Variants in SPECC1L observed in about 807,000 individuals in gnomAD.
The protein encoded by SPECC1L is cytospin-A.
In SPECC1L, 40 loss-of-function variants were observed where a neutral mutation model predicts 116.8. That is an observed-to-expected ratio of 0.34 (90% CI 0.27 to 0.45). The LOEUF is 0.45. SPECC1L is among the 20% of genes least tolerant of loss of function. The pLI, the probability that SPECC1L is intolerant of heterozygous loss-of-function variation, is 1.00. For missense variants in SPECC1L, 1,110 were observed against 1,373.6 expected, an observed-to-expected ratio of 0.81 and a Z score of 3.03; for synonymous variants, 504 against 500.6, an observed-to-expected ratio of 1.01 and a Z score of -0.09.
chr22:24,403,027 C>T (rs2042510643), intron 14 of SPECC1L, among the ~76,000 whole-genome samples: 1 of 152,182 alleles, frequency 6.6e-6, no homozygotes, highest in African/African-American at 2.4e-5. Flanking sequence ...AACCACCCAG[C>T]CAGTCCCTTG....
At chr22:24,336,576 T>A (rs1477109714) in intron 9 of SPECC1L, among the ~76,000 whole-genome samples, 1 of 152,092 alleles carries the variant, frequency 6.6e-6, no homozygotes, top group Non-Finnish European at 1.5e-5. Context: ...CAAGACTCTG[T>A]CTCTAAAGAA....
At chr22:24,386,971 G>C (rs1005415423) in intron 14 of SPECC1L, among the ~76,000 whole-genome samples, 1 of 152,170 alleles carries the variant, frequency 6.6e-6, no homozygotes, top group Non-Finnish European at 1.5e-5. Flanking sequence ...GTCTGCAGCA[G>C]ATTAGACACA....
intron 8 of SPECC1L, among the ~76,000 whole-genome samples, chr22:24,332,120 T>G (rs1459037640): frequency 1.3e-5 from 2 of 152,200 alleles, no homozygotes; most frequent in East Asian, 1.9e-4. Context: ...TTGGTATTAT[T>G]TGGTGGGTAT....
chr22:24,366,872 A>C (rs1454222245), intron 13 of SPECC1L, among the ~76,000 whole-genome samples: 1 of 152,192 alleles, frequency 6.6e-6, no homozygotes, highest in African/African-American at 2.4e-5. Flanking sequence ...ATAGGGATGA[A>C]GAAAATTGTT....
intron 10 of SPECC1L, among the ~76,000 whole-genome samples, chr22:24,339,216 GA>G (rs1187072564): frequency 6.6e-6 from 1 of 152,154 alleles, no homozygotes; most frequent in Admixed American, 6.5e-5. Context: ...CCAGCTCCAA[GA>G]GACTGAAAAT....
chr22:24,396,463 A>G (rs554879507), intron 14 of SPECC1L, among the ~76,000 whole-genome samples: 2 of 151,980 alleles, frequency 1.3e-5, no homozygotes, highest in South Asian at 2.1e-4. Flanking sequence ...ACGCCCAGCT[A>G]ATTTTTGTAT....
chr22:24,318,504 G>GA (rs966916033), intron 4 of SPECC1L, among the ~76,000 whole-genome samples: 1 of 152,224 alleles, frequency 6.6e-6, no homozygotes, highest in Non-Finnish European at 1.5e-5. Context: ...ATCAGAGGGA[G>GA]ACCGTGGAAA....
intron 9 of SPECC1L, among the ~76,000 whole-genome samples, chr22:24,337,847 T>TA (rs975181410): frequency 5.9e-5 from 9 of 152,048 alleles, no homozygotes; most frequent in Non-Finnish European, 1.3e-4. Flanking sequence ...CAGTTTATTA[T>TA]AGAGAGAGAG....
At chr22:24,334,158 G>A (rs142286947) in intron 8 of SPECC1L, among the ~76,000 whole-genome samples, 180 of 151,772 alleles carry the variant, frequency 1.2e-3, no homozygotes, top group African/African-American at 4.1e-3. Context: ...GAGTACAGGC[G>A]CCCACCACCG....
At chr22:24,306,705 G>C (rs1188912531) in intron 3 of SPECC1L, among the ~76,000 whole-genome samples, 3 of 152,152 alleles carry the variant, frequency 2.0e-5, no homozygotes, top group African/African-American at 7.2e-5. Flanking sequence ...GTTCAGTTCT[G>C]TTAAATACAT....
At chr22:24,350,792 T>C (rs2041405895) in intron 11 of SPECC1L, among the ~76,000 whole-genome samples, 1 of 152,166 alleles carries the variant, frequency 6.6e-6, no homozygotes, top group Non-Finnish European at 1.5e-5. Context: ...GCGTTAAGTG[T>C]GGTCAGAGCC....
At chr22:24,319,862 A>G (rs1200559771) in intron 4 of SPECC1L, among the ~76,000 whole-genome samples, 1 of 152,368 alleles carries the variant, frequency 6.6e-6, no homozygotes, top group East Asian at 1.9e-4. Flanking sequence ...GTCTTTAAAA[A>G]TACTTATTGA....
At chr22:24,368,278 G>T (rs1256090715) in intron 13 of SPECC1L, among the ~76,000 whole-genome samples, 1 of 152,176 alleles carries the variant, frequency 6.6e-6, no homozygotes, top group Non-Finnish European at 1.5e-5. Context: ...TGGGATAGGG[G>T]CCCTGTGTTG....
At chr22:24,407,105 G>T (rs1404818247) in intron 14 of SPECC1L, among the ~76,000 whole-genome samples, 1 of 152,182 alleles carries the variant, frequency 6.6e-6, no homozygotes, top group Non-Finnish European at 1.5e-5. Context: ...GGGTGCCTTG[G>T]AGCCACGTGC....
intron 14 of SPECC1L, among the ~76,000 whole-genome samples, chr22:24,374,790 G>A (rs1044586180): frequency 6.6e-6 from 1 of 150,514 alleles, no homozygotes; most frequent in South Asian, 2.1e-4. Flanking sequence ...AAAAAAGGAA[G>A]TAGAAAAAAG....
chr22:24,366,189 A>T (rs897597949), intron 13 of SPECC1L, among the ~76,000 whole-genome samples: 3 of 105,324 alleles, frequency 2.8e-5, no homozygotes, highest in African/African-American at 4.7e-5. Flanking sequence ...TGGCAAAGTG[A>T]TGGAACTTTT....
chr22:24,329,112 A>T (rs535127824), intron 7 of SPECC1L, among the ~76,000 whole-genome samples, 193 bp downstream of exon 7: 61 of 152,314 alleles, frequency 4.0e-4, no homozygotes, highest in African/African-American at 1.4e-3. Context: ...AGAAGAATGT[A>T]CTATAGGTTG....
intron 14 of SPECC1L, among the ~76,000 whole-genome samples, chr22:24,401,053 C>T (rs1440262382): frequency 1.3e-5 from 2 of 152,162 alleles, no homozygotes; most frequent in East Asian, 1.9e-4. Flanking sequence ...ACTGTCCCCA[C>T]GCCCACCTGG....
intron 14 of SPECC1L, among the ~76,000 whole-genome samples, chr22:24,401,996 C>T (rs1469783266): frequency 2.0e-5 from 3 of 152,246 alleles, no homozygotes; most frequent in Non-Finnish European, 4.4e-5. Flanking sequence ...TGCCCTACCT[C>T]GGCCGCCTGC....
Sources: allele counts gnomAD v4.1 joint callset (sites outside exome capture counted in the v4.1 genomes callset), GRCh38; gene constraint gnomAD v4.1.1; transcripts MANE v1.5; gene names NCBI Gene and HGNC (gene_info 2026-07-23, HGNC 2026-07-21).